INSIG1: variants seen among roughly 807,000 people sequenced by gnomAD.
The protein encoded by INSIG1 is insulin induced gene 1, also known as insulin-induced gene 1 protein.
Under a neutral mutation model 26.5 loss-of-function variants are expected in INSIG1, and 14 were observed. The observed-to-expected ratio is 0.53, with a 90% confidence interval of 0.35 to 0.83. The LOEUF (loss-of-function observed/expected upper bound fraction) is 0.83. Ranked by LOEUF, INSIG1 falls within the 40% of genes least tolerant of loss-of-function variation. The pLI is 0.01. For missense variants in INSIG1, 272 were observed against 368.9 expected (o/e 0.74, Z 2.15); for synonymous variants, 147 against 153.3 (o/e 0.96, Z 0.30).
At chr7:155,300,552 T>C (rs1797755493) in intron 2 of INSIG1, among the ~76,000 whole-genome samples, 1 of 152,188 alleles carries the variant, frequency 6.6e-6, no homozygotes, top group African/African-American at 2.4e-5. Context: ...TCAAGAGCCC[T>C]GGGACACAGT....
At chr7:155,303,184 C>T (rs1421418564) in intron 5 of INSIG1, among the ~76,000 whole-genome samples, 1 of 152,212 alleles carries the variant, frequency 6.6e-6, no homozygotes, top group Non-Finnish European at 1.5e-5. Context: ...CCTTCACCAT[C>T]GGAAGCAGAT....
chr7:155,301,989 G>C (rs1430644106), intron 3 of INSIG1, among the ~76,000 whole-genome samples: 2 of 144,392 alleles, frequency 1.4e-5, no homozygotes, highest in Non-Finnish European at 3.0e-5. Context: ...ATATATATAA[G>C]CACTTTATAT....
Position 155,310,016 on chromosome 7 carries a change from AT to A in INSIG1, c.*1747del, listed in dbSNP as rs1431012372. On this transcript the variant is annotated 3_prime_UTR_variant, in exon 6 of 6. Coordinates refer to ENST00000340368, the MANE Select transcript of INSIG1 (RefSeq NM_005542.6). ...AGTAAATCTATATCTGTTAGAAATA[AT>A]GTAGCCAAAAGAATGTAAATTTGAG... 6.5e-6 allele frequency: 1 copy of A among 152,688 alleles called. No individual in the cohort carries two copies. Among genetic ancestry groups the A allele is most frequent in the African/African-American group, 2.4e-5 (1 of 41,476 alleles). 9.5% of individuals were successfully genotyped at this position (152,688 alleles called of 1,614,324 possible). A position where few individuals can be genotyped will look rare whatever the true frequency, so the allele number is the denominator to read the frequency against.
chr7:155,299,794 GA>G (rs1241052757), intron 2 of INSIG1, among the ~76,000 whole-genome samples: 1 of 152,218 alleles, frequency 6.6e-6, no homozygotes, highest in Non-Finnish European at 1.5e-5. Context: ...AATCACAGGT[GA>G]AGTCACATCC....
intron 5 of INSIG1, among the ~76,000 whole-genome samples, chr7:155,304,287 A>G (rs1212382088): frequency 6.6e-6 from 1 of 152,114 alleles, no homozygotes; most frequent in African/African-American, 2.4e-5. Context: ...ATCTGGTCGG[A>G]TGGTCCCACA....
chr7:155,298,512 A>T lies in INSIG1; in HGVS notation c.227A>T (p.Tyr76Phe). ...AGCGGCCCCGAGCCCGGCAGCCCCT[A>T]CCCCAACACCTGGCATCATCGCCTG... ...AMSGPEPGSP[Y>F]PNTWHHRLLQ... The change falls in exon 2 of 6, where the codon TAC (tyrosine) becomes TTC (phenylalanine). Residue 76 changes from tyrosine to phenylalanine, a missense_variant. Tyr to Phe is a conservative substitution (Grantham distance 22, BLOSUM62 3). This residue lies in a region of INSIG1 where 161 missense variants were observed against 179.2 expected (regional missense o/e 0.90). Coordinates refer to ENST00000340368, the MANE Select transcript of INSIG1 (RefSeq NM_005542.6). 2 of 1,588,396 alleles carry T rather than the reference A, an allele frequency of 1.3e-6. No homozygotes were observed. Among genetic ancestry groups the T allele is most frequent in the Non-Finnish European group, 1.7e-6 (2 of 1,167,890 alleles).
intron 2 of INSIG1, among the ~76,000 whole-genome samples, chr7:155,299,858 G>A (rs1797737324): frequency 1.3e-5 from 2 of 152,222 alleles, no homozygotes; most frequent in Non-Finnish European, 2.9e-5. Context: ...TGCTCCTGCT[G>A]CCTTGGTAGG....
At chr7:155,301,966 T>C (rs1003676870) in intron 3 of INSIG1, among the ~76,000 whole-genome samples, 2 of 146,982 alleles carry the variant, frequency 1.4e-5, no homozygotes, top group Non-Finnish European at 3.0e-5. Flanking sequence ...ATAATAAATA[T>C]ATATTTATAT....
In INSIG1 at chr7:155,300,181, T is replaced by C. The variant is rs563155631; in HGVS notation, c.413-1385T>C. 7.9e-5 allele frequency among the ~76,000 whole-genome samples: 12 copies of C among 152,346 alleles called. No homozygotes were observed. In the East Asian group the frequency reaches 2.3e-3, roughly 29 times the overall value. On this transcript the variant is annotated intron_variant, in intron 2 of 5. Transcript: ENST00000340368. ...TTTCCTTTAACCAAAAACTTGATCT[T>C]AGAAATGAAATAGTTTAGCCTTCAG... is the stretch of plus-strand genomic sequence containing the variant.
intron 5 of INSIG1, chr7:155,303,974 GCCTT>G: frequency 2.2e-6 from 1 of 447,108 alleles, no homozygotes; most frequent in South Asian, 2.8e-5. Context: ...GACTTTGCTT[GCCTT>G]TTTTTTTTTT....
chr7:155,298,314 G>A lies in INSIG1; in HGVS notation c.29G>A (p.Ser10Asn), dbSNP rs1797680600. ...CCCAGATTGCACGACCACTTCTGGA[G>A]CTGCTCCTGTGCGCACAGCGCGAGG... MPRLHDHFW[S>N]CSCAHSARRR... Residue 10 changes from serine to asparagine, a missense_variant, in exon 2 of 6, where the codon AGC (serine) becomes AAC (asparagine). By Grantham distance (46) the Ser-to-Asn change is conservative (BLOSUM62 1). Coordinates refer to ENST00000340368, the MANE Select transcript of INSIG1 (RefSeq NM_005542.6). 1.3e-6 allele frequency: 2 copies of A among 1,507,388 alleles called. No individual in the cohort carries two copies. Among genetic ancestry groups the A allele is most frequent in the Non-Finnish European group, 1.8e-6 (2 of 1,136,584 alleles). 93.4% of individuals were successfully genotyped at this position (1,507,388 alleles called of 1,614,324 possible). A position where few individuals can be genotyped will look rare whatever the true frequency, so the allele number is the denominator to read the frequency against.
Position 155,302,231 on chromosome 7 carries a change from C to T in INSIG1, c.538-20C>T. On this transcript the variant is annotated intron_variant, in intron 3 of 5. Transcript: ENST00000340368. The surrounding 1 kb of genome is among the most constrained non-coding windows in gnomAD (Gnocchi z 4.3). ...CTTAATAAGAGTCAGCAAACTTTTC[C>T]TTAACTTTTATATCACCAGAAATTG... is the stretch of plus-strand genomic sequence containing the variant. 1.3e-6 allele frequency: 2 copies of T among 1,528,066 alleles called. No individual in the cohort carries two copies. Among genetic ancestry groups the T allele is most frequent in the East Asian group, 2.4e-5 (1 of 41,682 alleles). 94.7% of individuals were successfully genotyped at this position (1,528,066 alleles called of 1,614,324 possible).
chr7:155,305,444 C>T (rs759454607), intron 5 of INSIG1, among the ~76,000 whole-genome samples: 2 of 152,120 alleles, frequency 1.3e-5, no homozygotes, highest in African/African-American at 4.8e-5. Context: ...ATTCGTGGTG[C>T]GTGTTTTCTC....
chr7:155,306,746 G>T (rs1797945603), intron 5 of INSIG1, among the ~76,000 whole-genome samples: 1 of 152,214 alleles, frequency 6.6e-6, no homozygotes, highest in South Asian at 2.1e-4. Flanking sequence ...CCAAGTGGGT[G>T]GCAGAGGTCG....
Position 155,301,612 on chromosome 7 carries a change from A to T in INSIG1, c.459A>T (p.Glu153Asp). 2 of 1,611,426 alleles carry T rather than the reference A, an allele frequency of 1.2e-6. No homozygotes were observed. Among genetic ancestry groups the T allele is most frequent in the Non-Finnish European group, 1.7e-6 (2 of 1,178,068 alleles). ...LYPCIDSHLG[E>D]PHKFKREWAS... ...CCTGTATCGACAGTCACCTCGGAGA[A>T]CCCCACAAATTTAAGAGAGAATGGG... The change falls in exon 3 of 6, where the codon GAA becomes GAT. Residue 153 changes from glutamate to aspartate, a missense_variant. This residue lies in a region of INSIG1 where 111 missense variants were observed against 189.8 expected (regional missense o/e 0.58). Transcript: ENST00000340368.
chr7:155,303,949 T>C, intron 5 of INSIG1: 1 of 968,018 alleles, frequency 1.0e-6, no homozygotes, highest in Non-Finnish European at 1.5e-6. Context: ...AAATTTCTCA[T>C]GATGGAGAAG....
intron 1 of INSIG1, 111 bp downstream of exon 1, chr7:155,298,070 C>T: frequency 2.4e-6 from 1 of 417,210 alleles, no homozygotes; most frequent in Non-Finnish European, 4.1e-6. Flanking sequence ...GACGCGGGTC[C>T]CGCTGGGGCC....
In INSIG1 at chr7:155,298,618, C is replaced by G; in HGVS notation, c.333C>G (p.Val111=). 6.2e-7 allele frequency: 1 copy of G among 1,613,562 alleles called. No individual in the cohort carries two copies. The highest frequency in any genetic ancestry group is 8.5e-7 in the Non-Finnish European group (1 of 1,179,936). ...VLNLLQIQRN[V]TLFPEEVIAT... is the part of the protein sequence containing the mutation. Reference sequence around the variant, plus strand: ...ACCTGCTGCAGATCCAGAGGAATGTCACTCTCTTCCCCGAGGAGGTGATCG... The same window carrying G: ...ACCTGCTGCAGATCCAGAGGAATGTGACTCTCTTCCCCGAGGAGGTGATCG... Residue 111 remains valine, a synonymous_variant, in exon 2 of 6, where the codon GTC becomes GTG. Transcript: ENST00000340368.
rs1414858544 is a variant in INSIG1 at position 155,310,212 on chromosome 7, C to CT, written c.*1946dup. 6.6e-6 allele frequency: 1 copy of CT among 152,448 alleles called. No individual in the cohort carries two copies. The allele number at this position is 152,448 out of a possible 1,614,324, so 9.4% of individuals were successfully genotyped here. On this transcript the variant is annotated 3_prime_UTR_variant, in exon 6 of 6. Coordinates refer to ENST00000340368, the MANE Select transcript of INSIG1 (RefSeq NM_005542.6). ...GTGTTCTTTTTGCATTCATTTTTTA[C>CT]TTTTATTAAAGGTTCAAAACCAAGT...
Sources: allele counts gnomAD v4.1 joint callset (sites outside exome capture counted in the v4.1 genomes callset), GRCh38; gene constraint gnomAD v4.1.1; regional missense constraint gnomAD v4.1.1; non-coding constraint Gnocchi (gnomAD v3.1); transcripts MANE v1.5; gene names NCBI Gene and HGNC (gene_info 2026-07-23, HGNC 2026-07-21).